The following B4GALT7 variants were observed in gnomAD, a reference collection of about 807,000 sequenced individuals.
B4GALT7 encodes the protein UDP-Gal:beta-GlcNAc beta-1,4-galactosyltransferase 7.
Under a neutral mutation model 33.0 loss-of-function variants are expected in B4GALT7, and 30 were observed. That is an observed-to-expected ratio of 0.91 (90% CI 0.68 to 1.23). The LOEUF is 1.23. B4GALT7 is among the 50% of genes most tolerant of loss of function. B4GALT7 has a pLI of 0.00. For synonymous variants in B4GALT7, 213 were observed against 187.2 expected (o/e 1.14, Z -1.13); for missense variants, 507 against 450.8 (o/e 1.12, Z -1.13).
At chr5:177,607,687 C>G in intron 3 of B4GALT7, 160 bp downstream of exon 3, 1 of 708,084 alleles carries the variant, frequency 1.4e-6, no homozygotes. Context: ...AGCAGGCGAG[C>G]CAGTCAGCCG....
At position 177,604,237 on chromosome 5, in the gene B4GALT7, G is replaced by A. The variant is rs1382067342; in HGVS notation, c.109G>A (p.Ala37Thr). 5.6e-6 allele frequency: 9 copies of A among 1,613,610 alleles called. No individual in the cohort carries two copies. The highest frequency in any genetic ancestry group is 7.6e-6 in the Non-Finnish European group (9 of 1,179,904). ...GTGTTCCGTCTTCCACCTGTTCGTG[G>A]CCTGCCTCTCGCTGGGCTTCTTCTC... ...RKCSVFHLFV[A>T]CLSLGFFSLL... Residue 37 changes from alanine (A) to threonine (T), a missense_variant, in exon 2 of 6, where the codon GCC becomes ACC. Ala to Thr is a moderately conservative substitution (Grantham distance 58). Coordinates refer to ENST00000029410, the MANE Select transcript of B4GALT7 (RefSeq NM_007255.3).
Position 177,609,750 on chromosome 5 carries a change from G to A in B4GALT7, c.*55G>A, listed in dbSNP as rs941260384. 5 of 1,553,376 alleles carry A rather than the reference G, an allele frequency of 3.2e-6. No individual in the cohort carries two copies. The highest frequency in any genetic ancestry group is 2.3e-5 in the South Asian group (2 of 85,164). ...TACAGGCCATATTGCTCAGGCTCAG[G>A]ACAAGGCCTCAGGTCGTGGGCCCAG... On this transcript the variant is annotated 3_prime_UTR_variant, in exon 6 of 6. Transcript: ENST00000029410.
rs749287395 is a variant in B4GALT7 at position 177,607,327 on chromosome 5, G to C, written c.439G>C (p.Val147Leu). ...GTTCAACCGGGCAGCGCTCATCAAC[G>C]TGGGCTTCCTGGAGAGCAGCAACAG... ...FRFNRAALIN[V>L]GFLESSNSTD... The change falls in exon 3 of 6, where the codon GTG (valine) becomes CTG (leucine). Residue 147 changes from valine (V) to leucine (L), a missense_variant. Coordinates refer to ENST00000029410, the MANE Select transcript of B4GALT7 (RefSeq NM_007255.3). 1 of 1,612,590 alleles carries C rather than the reference G, an allele frequency of 6.2e-7. No individual in the cohort carries two copies. Among genetic ancestry groups the C allele is most frequent in the Admixed American group, 1.7e-5 (1 of 59,860 alleles).
intron 2 of B4GALT7, chr5:177,605,306 C>T: frequency 3.2e-6 from 1 of 316,114 alleles, no homozygotes; most frequent in Non-Finnish European, 6.2e-6. Flanking sequence ...TGCCTGGGCA[C>T]TGGAGGGTAT....
intron 2 of B4GALT7, chr5:177,605,136 C>T: frequency 2.4e-6 from 1 of 413,894 alleles, no homozygotes; most frequent in Non-Finnish European, 4.8e-6. Flanking sequence ...AGACCCCCCC[C>T]TTTTCCCTGC....
chr5:177,601,221 C>T (rs1013368932), intron 1 of B4GALT7, among the ~76,000 whole-genome samples: 2 of 152,196 alleles, frequency 1.3e-5, no homozygotes. Context: ...CGTGGACTAG[C>T]GTTCGACCTG....
chr5:177,609,328 T>C (rs1467212885), intron 5 of B4GALT7, among the ~76,000 whole-genome samples: 3 of 152,124 alleles, frequency 2.0e-5, no homozygotes, highest in Non-Finnish European at 4.4e-5. Context: ...CAGCCCCTTC[T>C]CTAGGAGGCT....
Position 177,608,402 on chromosome 5 carries a change from C to A in B4GALT7, c.640-137C>A. On this transcript the variant is annotated intron_variant, in intron 3 of 5. Coordinates refer to ENST00000029410, the MANE Select transcript of B4GALT7 (RefSeq NM_007255.3). The surrounding 1 kb of genome is among the most constrained non-coding windows in gnomAD (Gnocchi z 4.1). ...GCGCTGCTTCCTGCCGCCCGCACTGCAGAAGTGCAGGAGCCTGCAAGCACC... is the reference window on the plus strand; with the variant it reads ...GCGCTGCTTCCTGCCGCCCGCACTGAAGAAGTGCAGGAGCCTGCAAGCACC... 1.3e-6 allele frequency: 1 copy of A among 744,318 alleles called. No homozygotes were observed. Among genetic ancestry groups the A allele is most frequent in the South Asian group, 1.6e-5 (1 of 64,506 alleles). 46.1% of individuals were successfully genotyped at this position (744,318 alleles called of 1,614,324 possible).
chr5:177,610,142 G>A lies in B4GALT7; in HGVS notation c.*447G>A. On this transcript the variant is annotated 3_prime_UTR_variant, in exon 6 of 6. Coordinates refer to ENST00000029410, the MANE Select transcript of B4GALT7 (RefSeq NM_007255.3). ...GGGCCTGGTGAGGGTTAGGACTTCA[G>A]AAACCAGAGCACAAGCCCCACAGAG... 4.6e-6 allele frequency: 1 copy of A among 215,362 alleles called. No homozygotes were observed. The highest frequency in any genetic ancestry group is 9.5e-6 in the Non-Finnish European group (1 of 105,106). 13.3% of individuals were successfully genotyped at this position (215,362 alleles called of 1,614,324 possible).
chr5:177,604,658 C>A (rs1767936197), intron 2 of B4GALT7, 117 bp downstream of exon 2: 1 of 1,373,820 alleles, frequency 7.3e-7, no homozygotes, highest in Non-Finnish European at 1.0e-6. Context: ...AGACCCCTCT[C>A]ACTGGGTGTG....
rs1276189130 is a variant in B4GALT7, at chr5:177,608,731, A to T, written c.723+109A>T. 8.3e-7 allele frequency: 1 copy of T among 1,203,410 alleles called. No individual in the cohort carries two copies. Among genetic ancestry groups the T allele is most frequent in the Non-Finnish European group, 1.2e-6 (1 of 829,190 alleles). The allele number at this position is 1,203,410 out of a possible 1,614,324, so 74.5% of individuals were successfully genotyped here. A position where few individuals can be genotyped will look rare whatever the true frequency, so the allele number is the denominator to read the frequency against. ...GGGTCTGGAGATGGCCCTGATTCTG[A>T]TCCCTGCCCTAACCCTGCCCTGCAT... On this transcript the variant is annotated intron_variant, in intron 4 of 5. Coordinates refer to ENST00000029410, the MANE Select transcript of B4GALT7 (RefSeq NM_007255.3). The surrounding 1 kb of genome is among the most constrained non-coding windows in gnomAD (Gnocchi z 4.1).
At chr5:177,607,994 G>T in intron 3 of B4GALT7, 1 of 244,796 alleles carries the variant, frequency 4.1e-6, no homozygotes, top group Non-Finnish European at 8.1e-6. Context: ...TTGATTGGCC[G>T]GCTTGAGTGC....
rs897138052 is a variant in B4GALT7 at position 177,606,784 on chromosome 5, C to A, written c.414-518C>A. On this transcript the variant is annotated intron_variant, in intron 2 of 5. Transcript: ENST00000029410. This position sits in a 1 kb window ranked among gnomAD's most constrained non-coding sequence, Gnocchi z 4.2. ...TCCCCACCTCTGCCCTCGCCCTGCC[C>A]AGCTGCCCGTTGGTCTGCTCCTGCC... 1 of 256,066 alleles carries A rather than the reference C, an allele frequency of 3.9e-6. No individual in the cohort carries two copies. Among genetic ancestry groups the A allele is most frequent in the Non-Finnish European group, 7.8e-6 (1 of 128,936 alleles). The allele number at this position is 256,066 out of a possible 1,614,324, so 15.9% of individuals were successfully genotyped here.
chr5:177,607,461 C>T lies in B4GALT7; in HGVS notation c.573C>T (p.His191=), dbSNP rs911262048. ...TCCACGTGGCCTCCCCGGAGCTCCACCCTCTCTACCACTACAAGACCTATG... is the reference window on the plus strand; with the variant it reads ...TCCACGTGGCCTCCCCGGAGCTCCATCCTCTCTACCACTACAAGACCTATG... ...GPFHVASPEL[H]PLYHYKTYVG... The change falls in exon 3 of 6, where the codon CAC becomes CAT. Residue 191 remains histidine (H), a synonymous_variant. Coordinates refer to ENST00000029410, the MANE Select transcript of B4GALT7 (RefSeq NM_007255.3). The T allele has an allele frequency of 1.9e-6, 3 of 1,613,844 alleles. No homozygotes were observed. The highest frequency in any genetic ancestry group is 1.6e-4 in the Middle Eastern group (1 of 6,062).
chr5:177,607,101 C>T, intron 2 of B4GALT7: 1 of 645,464 alleles, frequency 1.5e-6, no homozygotes. Flanking sequence ...ACTGCTGTAC[C>T]TCCCGTGCTT....
At position 177,609,790 on chromosome 5, in the gene B4GALT7, G is replaced by A. The variant is rs1196012995; in HGVS notation, c.*95G>A. ...CGTGGGCCCAGCTCTGACAGGATGT[G>A]GAGTGGCCAGGACCAAGACAGCAAG... On this transcript the variant is annotated 3_prime_UTR_variant, in exon 6 of 6. Coordinates refer to ENST00000029410, the MANE Select transcript of B4GALT7 (RefSeq NM_007255.3). The A allele has an allele frequency of 2.4e-5, 36 of 1,489,796 alleles. No individual in the cohort carries two copies. Among genetic ancestry groups the A allele is most frequent in the Admixed American group, 5.9e-5 (3 of 50,774 alleles). 92.3% of individuals were successfully genotyped at this position (1,489,796 alleles called of 1,614,324 possible).
chr5:177,608,496 C>CCCCG lies in B4GALT7; in HGVS notation c.640-41_640-40insCGCC, dbSNP rs1554126908. The CCCCG allele has an allele frequency of 3.2e-6, 5 of 1,562,570 alleles. No homozygotes were observed. The African/African-American group carries it at 6.8e-5, about 21-fold the overall frequency. ...CGGTAGGAGACCAAAGGCCCCCCCC[C>CCCCG]CCGGGAAGATGGGCCGAGTGACGCT... On this transcript the variant is annotated intron_variant, in intron 3 of 5. Coordinates refer to ENST00000029410, the MANE Select transcript of B4GALT7 (RefSeq NM_007255.3). The surrounding 1 kb of genome is among the most constrained non-coding windows in gnomAD (Gnocchi z 4.1).
In B4GALT7 at chr5:177,604,384, G is replaced by A. The variant is rs766536438; in HGVS notation, c.256G>A (p.Glu86Lys). 1.2e-6 allele frequency: 2 copies of A among 1,613,586 alleles called. No individual in the cohort carries two copies. Among genetic ancestry groups the A allele is most frequent in the East Asian group, 4.5e-5 (2 of 44,860 alleles). The change falls in exon 2 of 6, where the codon GAA becomes AAA. Residue 86 changes from glutamate (E) to lysine (K), a missense_variant. Coordinates refer to ENST00000029410, the MANE Select transcript of B4GALT7 (RefSeq NM_007255.3). ...PPEPPPEHWE[E>K]DASWGPHRLA... ...AGAGCCGCCCCCTGAGCACTGGGAA[G>A]AAGACGCATCCTGGGGCCCCCACCG...
At position 177,600,486 on chromosome 5, in the gene B4GALT7, C is replaced by T. The variant is rs1442789398; in HGVS notation, c.50+226C>T. On this transcript the variant is annotated intron_variant, in intron 1 of 5. Transcript: ENST00000029410. This position sits in a 1 kb window ranked among gnomAD's most constrained non-coding sequence, Gnocchi z 4.4. The stretch of plus-strand genomic sequence containing the variant: ...CTCCCTTTCCGCGGCACTCGTCCTT[C>T]CCCCAGCACCTTCCCCCCGGCCCGT... Among the ~76,000 whole-genome samples the T allele has an allele frequency of 3.4e-5, 5 of 145,340 alleles. No individual in the cohort carries two copies. The highest frequency in any genetic ancestry group is 7.1e-5 in the Admixed American group (1 of 14,128).
Sources: allele counts gnomAD v4.1 joint callset (sites outside exome capture counted in the v4.1 genomes callset), GRCh38; gene constraint gnomAD v4.1.1; non-coding constraint Gnocchi (gnomAD v3.1); transcripts MANE v1.5; gene names NCBI Gene and HGNC (gene_info 2026-07-23, HGNC 2026-07-21).